Variants in TCOF1 observed in about 807,000 individuals in gnomAD.
TCOF1 encodes the protein treacle ribosome biogenesis factor 1, also known as treacle protein.
In TCOF1, 33 loss-of-function variants were observed where a neutral mutation model predicts 149.0. The observed-to-expected ratio is 0.22, with a 90% confidence interval of 0.17 to 0.30. The LOEUF (loss-of-function observed/expected upper bound fraction) is 0.30, where lower values mean the gene tolerates loss of function less well. TCOF1 is among the 10% of genes least tolerant of loss of function. The probability of loss-of-function intolerance (pLI) is 1.00; values close to 1 mark genes in which losing one functional copy is unlikely to be tolerated. For synonymous variants in TCOF1, 789 were observed against 738.8 expected, an observed-to-expected ratio of 1.07 and a Z score of -1.10; for missense variants, 1,728 against 1,840.7, an observed-to-expected ratio of 0.94 and a Z score of 1.12.
intron 2 of TCOF1, 97 bp downstream of exon 2, chr5:150,361,308 C>G: frequency 2.3e-5 from 33 of 1,418,096 alleles, no homozygotes; most frequent in Non-Finnish European, 3.1e-5. Flanking sequence ...AGATCTGTCC[C>G]CATAGCCCAC....
At position 150,366,901 on chromosome 5, in the gene TCOF1, G is replaced by A. The variant is rs1167049246; in HGVS notation, c.305-943G>A. 2.9e-4 allele frequency among the ~76,000 whole-genome samples: 5 copies of A among 17,228 alleles called. 2 individuals are homozygous for A. Among genetic ancestry groups the A allele is most frequent in the African/African-American group, 2.9e-3 (5 of 1,740 alleles). The allele number at this position is 17,228 out of a possible 152,430, so 11.3% of individuals were successfully genotyped here. A position where few individuals can be genotyped will look rare whatever the true frequency, so the allele number is the denominator to read the frequency against. ...GATCTCCTGACCTCATGATCCACCC[G>A]CCTCGGCCTCCCAAAGTGCTGGGAT... is the stretch of plus-strand genomic sequence containing the variant. On this transcript the variant is annotated intron_variant, in intron 3 of 26. Transcript: ENST00000643257.
Position 150,383,881 on chromosome 5 carries a change from A to G in TCOF1, c.2860-4021A>G. On this transcript the variant is annotated intron_variant, in intron 17 of 26. Transcript: ENST00000643257. ...CACCTCCAAGGGTGGGACCAGGCCC[A>G]CCTTATCTTCCTGTACTCCAGAGGC... 3.2e-6 allele frequency: 5 copies of G among 1,542,534 alleles called. No homozygotes were observed. The Admixed American group carries it at 9.9e-5, about 31-fold the overall frequency.
chr5:150,359,763 A>G (rs1362902977), intron 1 of TCOF1, among the ~76,000 whole-genome samples: 1 of 152,254 alleles, frequency 6.6e-6, no homozygotes, highest in Non-Finnish European at 1.5e-5. Flanking sequence ...TAGTAGGAGC[A>G]GACAGGTGAC....
intron 24 of TCOF1, among the ~76,000 whole-genome samples, chr5:150,397,153 CAAAAA>C (rs58246300): frequency 2.3e-5 from 2 of 88,720 alleles, no homozygotes; most frequent in African/African-American, 9.0e-5. Flanking sequence ...GCAAGACTGT[CAAAAA>C]AAAAAAAAAA....
intron 6 of TCOF1, among the ~76,000 whole-genome samples, chr5:150,371,290 C>T (rs1762466759): frequency 6.6e-6 from 1 of 152,078 alleles, no homozygotes; most frequent in Admixed American, 6.6e-5. Flanking sequence ...CCGTCCTCAC[C>T]CTTGCGCCCT....
chr5:150,364,491 T>C (rs558841869), intron 3 of TCOF1, among the ~76,000 whole-genome samples: 1 of 152,276 alleles, frequency 6.6e-6, no homozygotes, highest in African/African-American at 2.4e-5. Context: ...CCAGTCTCAT[T>C]TGGTGTATGG....
At chr5:150,361,243 G>T in intron 2 of TCOF1, 32 bp downstream of exon 2, 5 of 1,613,002 alleles carry the variant, frequency 3.1e-6, no homozygotes, top group Non-Finnish European at 4.2e-6. Context: ...GTGGAGTAGG[G>T]ACGGACACCC....
At chr5:150,372,569 G>T (rs146639654) in intron 7 of TCOF1, among the ~76,000 whole-genome samples, 228 of 152,330 alleles carry the variant, frequency 1.5e-3, no homozygotes, top group African/African-American at 5.2e-3. Flanking sequence ...GTTAGCTAAA[G>T]GGAATCCAGT....
At chr5:150,363,870 G>A (rs1272597148) in intron 2 of TCOF1, among the ~76,000 whole-genome samples, 1 of 152,204 alleles carries the variant, frequency 6.6e-6, no homozygotes, top group East Asian at 1.9e-4. Flanking sequence ...TGCTGCAGCT[G>A]TTATATAACA....
At position 150,393,394 on chromosome 5, in the gene TCOF1, C is replaced by A; in HGVS notation, c.3626C>A (p.Thr1209Asn). The part of the protein sequence containing the change: ...PSQSLLSGYM[T>N]PGLTPANSQA... ...CAGTCTCTCCTCTCAGGTTATATGACCCCTGGACTAACCCCAGCCAATTCC... is the reference window on the plus strand; with the variant it reads ...CAGTCTCTCCTCTCAGGTTATATGAACCCTGGACTAACCCCAGCCAATTCC... The change falls in exon 23 of 27, where the codon ACC becomes AAC. Residue 1209 changes from threonine to asparagine, a missense_variant. By Grantham distance (65) the Thr-to-Asn change is moderately conservative. This residue lies in a region of TCOF1 where 1,696 missense variants were observed against 1,765.4 expected (regional missense o/e 0.96). Transcript: ENST00000643257. 2 of 1,614,102 alleles carry A rather than the reference C, an allele frequency of 1.2e-6. No individual in the cohort carries two copies. The highest frequency in any genetic ancestry group is 1.7e-6 in the Non-Finnish European group (2 of 1,180,030).
At chr5:150,385,315 A>G (rs1766060494) in intron 17 of TCOF1, among the ~76,000 whole-genome samples, 1 of 152,232 alleles carries the variant, frequency 6.6e-6, no homozygotes. Flanking sequence ...AATTGGTTCT[A>G]GAAGGAGCTC....
rs1166545893 is a variant in TCOF1 at position 150,379,001 on chromosome 5, G to C, written c.2437G>C (p.Val813Leu). Residue 813 changes from valine (V) to leucine (L), a missense_variant, in exon 15 of 27, where the codon GTC (valine) becomes CTC (leucine). Transcript: ENST00000643257. Reference sequence around the variant, plus strand: ...GACAATTTCAGCCCCTGGAAAAGTTGTCACTGCAGCTGCTCAAGCCAAGCA... The same window carrying C: ...GACAATTTCAGCCCCTGGAAAAGTTCTCACTGCAGCTGCTCAAGCCAAGCA... ...KGTISAPGKV[V>L]TAAAQAKQRS... 5.0e-6 allele frequency: 8 copies of C among 1,614,084 alleles called. No homozygotes were observed. Among genetic ancestry groups the C allele is most frequent in the Non-Finnish European group, 5.9e-6 (7 of 1,180,014 alleles).
At chr5:150,360,437 GC>G (rs1442704334) in intron 1 of TCOF1, among the ~76,000 whole-genome samples, 4 of 152,194 alleles carry the variant, frequency 2.6e-5, no homozygotes, top group South Asian at 2.1e-4. Context: ...CCACCTGGAT[GC>G]CTCAGGTGTC....
intron 25 of TCOF1, 124 bp downstream of exon 25, chr5:150,398,575 T>C: frequency 6.9e-7 from 1 of 1,455,156 alleles, no homozygotes; most frequent in Non-Finnish European, 9.5e-7. Context: ...CGTCAGGGGT[T>C]GTGACACACC....
intron 17 of TCOF1, among the ~76,000 whole-genome samples, chr5:150,381,077 A>T (rs141266720): frequency 4.1e-4 from 62 of 152,302 alleles, no homozygotes; most frequent in African/African-American, 1.4e-3. Flanking sequence ...CAAGTAGGGC[A>T]GACCGGAGAG....
chr5:150,387,848 T>C (rs550950632), intron 17 of TCOF1, 54 bp from the exon 18 acceptor site: 1 of 1,611,794 alleles, frequency 6.2e-7, no homozygotes, highest in African/African-American at 1.3e-5. Context: ...ATCACCTCCT[T>C]TCCCTGGCCA....
rs1763330540 is a variant in TCOF1 at position 150,374,736 on chromosome 5, C to T, written c.1203C>T (p.Ala401=). The change falls in exon 9 of 27, where the codon GCC becomes GCT. Residue 401 remains alanine (A), a synonymous_variant. Transcript: ENST00000643257. ...PGKTGPAVAK[A]QAGKREEDSQ... is the part of the protein sequence containing the mutation. ...AGACAGGGCCTGCAGTTGCCAAGGC[C>T]CAGGCGGGGAAGCGGGAGGAGGACT... 1.2e-6 allele frequency: 2 copies of T among 1,612,268 alleles called. No homozygotes were observed. Among genetic ancestry groups the T allele is most frequent in the African/African-American group, 1.3e-5 (1 of 74,322 alleles).
At chr5:150,383,709 C>A in intron 17 of TCOF1, 3 of 1,550,898 alleles carry the variant, frequency 1.9e-6, no homozygotes, top group Non-Finnish European at 2.6e-6. Context: ...GGTCCCCTGG[C>A]TCCCTGTATC....
At chr5:150,371,370 C>T (rs573418808) in intron 6 of TCOF1, among the ~76,000 whole-genome samples, 46 of 152,310 alleles carry the variant, frequency 3.0e-4, no homozygotes, top group Admixed American at 1.9e-3. Context: ...AAGAAGACCA[C>T]TCCCAGCCCT....
Sources: allele counts gnomAD v4.1 joint callset (sites outside exome capture counted in the v4.1 genomes callset), GRCh38; gene constraint gnomAD v4.1.1; regional missense constraint gnomAD v4.1.1; transcripts MANE v1.5; gene names NCBI Gene and HGNC (gene_info 2026-07-23, HGNC 2026-07-21).